The following ELL2 variants were observed in gnomAD, a reference collection of about 807,000 sequenced individuals.
ELL2 encodes the protein RNA polymerase II elongation factor ELL2.
In ELL2, 21 loss-of-function variants were observed where a neutral mutation model predicts 72.8. The ratio of observed to expected loss-of-function variants is 0.29; its 90% CI spans 0.20 to 0.42. ELL2 has a LOEUF of 0.42. Among genes scored for constraint, ELL2 ranks in the 10% least tolerant of loss-of-function variants. ELL2 has a pLI of 1.00. For synonymous variants in ELL2, 266 were observed against 283.2 expected, an observed-to-expected ratio of 0.94 and a Z score of 0.61; for missense variants, 568 against 772.8, an observed-to-expected ratio of 0.73 and a Z score of 3.14.
intron 2 of ELL2, among the ~76,000 whole-genome samples, chr5:95,926,691 C>T (rs1263282005): frequency 6.6e-6 from 1 of 152,094 alleles, no homozygotes; most frequent in African/African-American, 2.4e-5. Flanking sequence ...CTGAGATTTC[C>T]TATTTCTCTT....
intron 4 of ELL2, among the ~76,000 whole-genome samples, chr5:95,909,743 C>T (rs1458549304): frequency 2.0e-5 from 3 of 152,126 alleles, no homozygotes; most frequent in Non-Finnish European, 4.4e-5. Flanking sequence ...TCTGGGACAA[C>T]AACTAAATCG....
At chr5:95,944,497 A>G (rs1419454346) in intron 1 of ELL2, among the ~76,000 whole-genome samples, 1 of 152,236 alleles carries the variant, frequency 6.6e-6, no homozygotes, top group African/African-American at 2.4e-5. Context: ...CCAATTTTTT[A>G]GTAGATTTTC....
chr5:95,908,517 G>C (rs930530363), intron 4 of ELL2, among the ~76,000 whole-genome samples: 3 of 152,192 alleles, frequency 2.0e-5, no homozygotes, highest in Non-Finnish European at 4.4e-5. Flanking sequence ...TTGTCCACTA[G>C]CATGCCTTAA....
At chr5:95,893,653 G>A (rs1748753358) in intron 9 of ELL2, among the ~76,000 whole-genome samples, 1 of 152,168 alleles carries the variant, frequency 6.6e-6, no homozygotes, top group African/African-American at 2.4e-5. Context: ...CCACAGTGCT[G>A]GGATTACAGG....
At chr5:95,960,172 C>T (rs1751764898) in intron 1 of ELL2, among the ~76,000 whole-genome samples, 1 of 151,876 alleles carries the variant, frequency 6.6e-6, no homozygotes, top group South Asian at 2.1e-4. Context: ...CCTTCTGCCC[C>T]TCTGTCTGTT....
chr5:95,937,933 T>G (rs909733943), intron 2 of ELL2, among the ~76,000 whole-genome samples: 2 of 152,170 alleles, frequency 1.3e-5, no homozygotes, highest in Non-Finnish European at 2.9e-5. Flanking sequence ...ATCTTTGCTG[T>G]GTATTTCAAG....
At chr5:95,959,507 T>C (rs1751735081) in intron 1 of ELL2, among the ~76,000 whole-genome samples, 1 of 152,152 alleles carries the variant, frequency 6.6e-6, no homozygotes, top group Non-Finnish European at 1.5e-5. Context: ...CTCTCCAGAG[T>C]TTCTCTCCAC....
At chr5:95,953,837 C>T (rs916949316) in intron 1 of ELL2, among the ~76,000 whole-genome samples, 1 of 152,114 alleles carries the variant, frequency 6.6e-6, no homozygotes, top group East Asian at 1.9e-4. Context: ...AATCCAGGAA[C>T]GTTATATAGA....
chr5:95,935,087 C>T (rs530076148), intron 2 of ELL2, among the ~76,000 whole-genome samples: 14 of 152,238 alleles, frequency 9.2e-5, no homozygotes, highest in African/African-American at 3.4e-4. Context: ...CCTCTGCCTG[C>T]CTTTCCCTTC....
At chr5:95,942,752 C>T (rs746796382) in intron 2 of ELL2, among the ~76,000 whole-genome samples, 2 of 152,054 alleles carry the variant, frequency 1.3e-5, no homozygotes, top group Non-Finnish European at 2.9e-5. Context: ...AAGGTTCAAA[C>T]ATGCAATTAT....
chr5:95,907,889 C>A (rs1052846686), intron 4 of ELL2, among the ~76,000 whole-genome samples: 2 of 152,198 alleles, frequency 1.3e-5, no homozygotes, highest in African/African-American at 4.8e-5. Context: ...AAACAGCTCA[C>A]TGGGGCAGGA....
chr5:95,948,429 CAAAAAA>C (rs1187881368), intron 1 of ELL2, among the ~76,000 whole-genome samples: 3 of 35,230 alleles, frequency 8.5e-5, no homozygotes, highest in African/African-American at 3.6e-4. Flanking sequence ...GACTCCGCCT[CAAAAAA>C]AAAAAAAAAA....
intron 4 of ELL2, among the ~76,000 whole-genome samples, chr5:95,909,505 G>T (rs2112294938): frequency 6.6e-6 from 1 of 150,846 alleles, no homozygotes; most frequent in Non-Finnish European, 1.5e-5. Context: ...CAGTGATAAA[G>T]GTACTTACAG....
chr5:95,902,826 G>A (rs1749192219), intron 5 of ELL2, among the ~76,000 whole-genome samples: 1 of 152,132 alleles, frequency 6.6e-6, no homozygotes, highest in Non-Finnish European at 1.5e-5. Flanking sequence ...CTGTCACCCA[G>A]GCTGGAGTCC....
chr5:95,936,415 T>A (rs908727314), intron 2 of ELL2, among the ~76,000 whole-genome samples: 1 of 152,148 alleles, frequency 6.6e-6, no homozygotes, highest in African/African-American at 2.4e-5. Context: ...AAGTCCAGGT[T>A]TCCAAACCTC....
At chr5:95,902,295 A>G (rs1480252837) in intron 5 of ELL2, among the ~76,000 whole-genome samples, 13 of 152,214 alleles carry the variant, frequency 8.5e-5, no homozygotes, top group Non-Finnish European at 1.5e-5. Flanking sequence ...CTGAAGAACC[A>G]CTTACTCAAA....
chr5:95,898,200 A>T (rs780825682), intron 8 of ELL2, 40 bp downstream of exon 8: 3 of 1,478,228 alleles, frequency 2.0e-6, no homozygotes, highest in Non-Finnish European at 2.7e-6. Context: ...TTTCAAACTC[A>T]TGATAGCATG....
chr5:95,927,239 G>C (rs974264414), intron 2 of ELL2, among the ~76,000 whole-genome samples: 8 of 151,264 alleles, frequency 5.3e-5, no homozygotes, highest in African/African-American at 2.0e-4. Flanking sequence ...GATGTATTTT[G>C]CAGGTACAGG....
chr5:95,910,017 C>G (rs1313593113), intron 4 of ELL2, among the ~76,000 whole-genome samples: 1 of 152,124 alleles, frequency 6.6e-6, no homozygotes, highest in African/African-American at 2.4e-5. Context: ...TCATGGTTAA[C>G]TACATAATCC....
Sources: allele counts gnomAD v4.1 joint callset (sites outside exome capture counted in the v4.1 genomes callset), GRCh38; gene constraint gnomAD v4.1.1; transcripts MANE v1.5; gene names NCBI Gene and HGNC (gene_info 2026-07-23, HGNC 2026-07-21).